SGCG: variants seen among roughly 807,000 people sequenced by gnomAD.
The protein encoded by SGCG is sarcoglycan gamma.
A neutral mutation model predicts 29.3 loss-of-function variants in SGCG; 26 were observed. The observed-to-expected ratio is 0.89, with a 90% CI of 0.65 to 1.23. SGCG has a LOEUF of 1.23. SGCG is among the 50% of genes most tolerant of loss of function. The pLI is 0.00. For synonymous variants in SGCG, 145 were observed against 129.7 expected (o/e 1.12, Z -0.80); for missense variants, 353 against 356.0 (o/e 0.99, Z 0.07).
rs1458521395 is a variant in SGCG at position 23,248,495 on chromosome 13, T to C, written c.298-2135T>C. Among the ~76,000 whole-genome samples, 3 of 151,706 alleles carry C rather than the reference T, an allele frequency of 2.0e-5. No homozygotes were observed. In the East Asian group the frequency reaches 5.8e-4, roughly 30 times the overall value. ...GCGGGCGGATCACGAGGTCAGGAGA[T>C]GGAGACCATCTTGGCTAACGCAGTG... On this transcript the variant is annotated intron_variant, in intron 3 of 7. Transcript: ENST00000218867.
the SGCG span, among the ~76,000 whole-genome samples, chr13:23,169,230 A>G: frequency 6.6e-6 from 1 of 151,890 alleles, no homozygotes; most frequent in Non-Finnish European, 1.5e-5. Context: ...GGATTTCCAT[A>G]ACCTGTAAGT....
chr13:23,267,663 T>C (rs930083205), intron 4 of SGCG: 2 of 152,426 alleles, frequency 1.3e-5, no homozygotes, highest in East Asian at 1.9e-4. Context: ...AATATAGGAT[T>C]TCAGAATTCC....
intron 1 of SGCG, among the ~76,000 whole-genome samples, chr13:23,181,282 A>G (rs1328649013): frequency 1.3e-5 from 2 of 152,220 alleles, no homozygotes; most frequent in East Asian, 3.8e-4. Context: ...CTGACTACAA[A>G]TATGCTACAT....
intron 6 of SGCG, among the ~76,000 whole-genome samples, chr13:23,306,277 C>T (rs958458131): frequency 2.6e-5 from 4 of 152,152 alleles, no homozygotes; most frequent in Non-Finnish European, 4.4e-5. Flanking sequence ...ATGTTCTGGT[C>T]TCTAAAGGTT....
At chr13:23,234,331 A>T (rs530987235) in intron 2 of SGCG, among the ~76,000 whole-genome samples, 159 of 148,994 alleles carry the variant, frequency 1.1e-3, no homozygotes, top group Middle Eastern at 0.01. Context: ...TTTTTTTTAA[A>T]AAAATGGATT....
chr13:23,177,025 G>A (rs1876578898), upstream of SGCG, among the ~76,000 whole-genome samples: 1 of 152,162 alleles, frequency 6.6e-6, no homozygotes, highest in Admixed American at 6.5e-5. Context: ...TATGCATGGT[G>A]TAATACTGTT....
chr13:23,167,413 G>T, the SGCG span, among the ~76,000 whole-genome samples: 5 of 152,268 alleles, frequency 3.3e-5, no homozygotes, highest in South Asian at 6.2e-4. Flanking sequence ...TTTCTTAGGG[G>T]TATATACCCA....
chr13:23,176,988 A>G (rs1212012319), upstream of SGCG, among the ~76,000 whole-genome samples: 2 of 152,220 alleles, frequency 1.3e-5, no homozygotes, highest in Non-Finnish European at 1.5e-5. Context: ...TTAACAGTAG[A>G]TGAATGAATA....
At chr13:23,181,712 C>CTAA (rs1346785508) in intron 1 of SGCG, among the ~76,000 whole-genome samples, 2 of 152,146 alleles carry the variant, frequency 1.3e-5, no homozygotes, top group African/African-American at 4.8e-5. Context: ...TACACATGTG[C>CTAA]TAATGCTTCA....
At chr13:23,278,922 TATG>T (rs1257549632) in intron 4 of SGCG, among the ~76,000 whole-genome samples, 1 of 152,198 alleles carries the variant, frequency 6.6e-6, no homozygotes, top group East Asian at 1.9e-4. Flanking sequence ...AGTTTCAGGA[TATG>T]ATTTATCTTC....
intron 1 of SGCG, among the ~76,000 whole-genome samples, chr13:23,192,049 C>T (rs1372639007): frequency 6.6e-6 from 1 of 151,786 alleles, no homozygotes. Context: ...GTGGCGGGCT[C>T]CTGTAGTCCC....
intron 1 of SGCG, among the ~76,000 whole-genome samples, chr13:23,198,690 T>TA (rs1487090728): frequency 6.8e-6 from 1 of 147,558 alleles, no homozygotes; most frequent in Non-Finnish European, 1.5e-5. Flanking sequence ...ATTAAAAATA[T>TA]AAAAAATTAG....
chr13:23,299,441 TATATATATATATA>T lies in SGCG; in HGVS notation c.578+3955_578+3967del, dbSNP rs1436864338. ...ATATATATATATATATATATATATATATATATATATATATATTTTTTTTTTTTTTTTAGTCGGA... is the reference window on the plus strand; with the variant it reads ...ATATATATATATATATATATATATATTATTTTTTTTTTTTTTTTAGTCGGA... On this transcript the variant is annotated intron_variant, in intron 6 of 7. Transcript: ENST00000218867. Among the ~76,000 whole-genome samples the T allele has an allele frequency of 7.8e-4, 17 of 21,736 alleles. 2 individuals are homozygous for T. The highest frequency in any genetic ancestry group is 4.3e-3 in the East Asian group (3 of 694). 14.3% of individuals were successfully genotyped at this position (21,736 alleles called of 152,430 possible).
At chr13:23,220,744 G>A (rs2137527250) in intron 2 of SGCG, among the ~76,000 whole-genome samples, 1 of 152,152 alleles carries the variant, frequency 6.6e-6, no homozygotes, top group Admixed American at 6.6e-5. Flanking sequence ...CCAGTCTTCT[G>A]AATGATTCAG....
intron 6 of SGCG, among the ~76,000 whole-genome samples, chr13:23,310,853 AT>A (rs1411205721): frequency 6.6e-6 from 1 of 152,158 alleles, no homozygotes; most frequent in Non-Finnish European, 1.5e-5. Context: ...CCCAAATAAT[AT>A]TTTTAAAAAC....
chr13:23,237,764 T>C (rs922281080), intron 3 of SGCG, among the ~76,000 whole-genome samples: 4 of 144,096 alleles, frequency 2.8e-5, no homozygotes, highest in African/African-American at 1.0e-4. Context: ...CAGTGGAACA[T>C]AAAACTTGAA....
intron 4 of SGCG, among the ~76,000 whole-genome samples, chr13:23,252,485 A>G (rs1205269082): frequency 6.6e-6 from 1 of 152,060 alleles, no homozygotes; most frequent in Non-Finnish European, 1.5e-5. Flanking sequence ...AGGTCAGGAG[A>G]TCAAGACCAT....
intron 1 of SGCG, among the ~76,000 whole-genome samples, chr13:23,195,715 G>A (rs10507328): frequency 0.039 from 5,955 of 151,780 alleles, 406 homozygotes; most frequent in African/African-American, 0.14. Flanking sequence ...ATTATTATTC[G>A]AGAATTATGC....
At chr13:23,271,903 T>C (rs540335253) in intron 4 of SGCG, among the ~76,000 whole-genome samples, 1 of 152,322 alleles carries the variant, frequency 6.6e-6, no homozygotes, top group African/African-American at 2.4e-5. Context: ...ATTTCTAAAT[T>C]TTTAATCATC....
Sources: allele counts gnomAD v4.1 joint callset (sites outside exome capture counted in the v4.1 genomes callset), GRCh38; gene constraint gnomAD v4.1.1; transcripts MANE v1.5; gene names NCBI Gene and HGNC (gene_info 2026-07-23, HGNC 2026-07-21).